The following PTPRN2 variants were observed in gnomAD, a reference collection of about 807,000 sequenced individuals.
PTPRN2 encodes receptor-type tyrosine-protein phosphatase N2.
Under a neutral mutation model 118.8 loss-of-function variants are expected in PTPRN2, and 74 were observed. The ratio of observed to expected loss-of-function variants is 0.62; its 90% CI spans 0.52 to 0.76. PTPRN2 has a LOEUF of 0.76. Ranked by LOEUF, PTPRN2 falls within the 30% of genes least tolerant of loss-of-function variation. PTPRN2 has a pLI of 0.00. For missense variants in PTPRN2, 1,481 were observed against 1,394.4 expected (o/e 1.06, Z -0.99); for synonymous variants, 641 against 608.0 (o/e 1.05, Z -0.80).
chr7:158,317,765 G>C (rs188422662), intron 2 of PTPRN2, among the ~76,000 whole-genome samples: 17 of 152,292 alleles, frequency 1.1e-4, no homozygotes, highest in African/African-American at 4.1e-4. Context: ...AGGTTTCGCC[G>C]TGCAGCTTGG....
Position 158,337,323 on chromosome 7 carries a change from CCA to C in PTPRN2, c.164-20393_164-20392del, listed in dbSNP as rs1434146227. On this transcript the variant is annotated intron_variant, in intron 2 of 22. Transcript: ENST00000389418. ...TGTCACGCACAGACATCATTCACACCCACACTGTCACCCTAAGAGGTGACACC... is the reference window on the plus strand; with the variant it reads ...TGTCACGCACAGACATCATTCACACCCACTGTCACCCTAAGAGGTGACACC... Among the ~76,000 whole-genome samples, 27 of 149,762 alleles carry C rather than the reference CCA, an allele frequency of 1.8e-4. 1 individual carries two copies. The highest frequency in any genetic ancestry group is 4.7e-4 in the African/African-American group (19 of 40,208).
At chr7:157,639,470 TGAA>T (rs1368881016) in intron 14 of PTPRN2, among the ~76,000 whole-genome samples, 1 of 152,220 alleles carries the variant, frequency 6.6e-6, no homozygotes, top group Non-Finnish European at 1.5e-5. Context: ...TCCAGTGATA[TGAA>T]GAAGGAGATA....
chr7:158,484,001 A>C (rs927650498), intron 2 of PTPRN2, among the ~76,000 whole-genome samples: 2 of 152,130 alleles, frequency 1.3e-5, no homozygotes, highest in African/African-American at 4.8e-5. Context: ...TTAAATAGCC[A>C]GGCATGATGG....
chr7:157,807,920 G>A (rs1266256025), intron 12 of PTPRN2, among the ~76,000 whole-genome samples: 3 of 152,222 alleles, frequency 2.0e-5, no homozygotes, highest in Non-Finnish European at 2.9e-5. Flanking sequence ...GAGAACTGCT[G>A]CTATGATTCC....
intron 2 of PTPRN2, among the ~76,000 whole-genome samples, chr7:158,423,369 G>A (rs1248460353): frequency 1.3e-5 from 2 of 152,174 alleles, no homozygotes; most frequent in East Asian, 3.9e-4. Context: ...CCTTTCCGGG[G>A]AGCACCCATG....
At chr7:158,582,940 G>A (rs749553058) in intron 1 of PTPRN2, among the ~76,000 whole-genome samples, 14 of 151,968 alleles carry the variant, frequency 9.2e-5, no homozygotes, top group Non-Finnish European at 1.6e-4. Context: ...TTTTCATGAG[G>A]AATTTGAAAT....
chr7:158,329,042 C>T (rs1212748447), intron 2 of PTPRN2, among the ~76,000 whole-genome samples: 1 of 151,752 alleles, frequency 6.6e-6, no homozygotes, highest in Non-Finnish European at 1.5e-5. Context: ...GTGGGGCCTC[C>T]ATTCCTCCCG....
At chr7:157,595,497 TGTTTAGGAAGCCCGGA>T (rs1801254366) in intron 16 of PTPRN2, among the ~76,000 whole-genome samples, 182 bp from the exon 17 acceptor site, 1 of 95,476 alleles carries the variant, frequency 1.0e-5, no homozygotes, top group African/African-American at 5.6e-5. Context: ...GGAAGCCTGG[TGTTTAGGAAGCCCGGA>T]GGTTAGGAAG....
chr7:157,624,325 G>C (rs780004057), intron 14 of PTPRN2, among the ~76,000 whole-genome samples: 4 of 152,054 alleles, frequency 2.6e-5, no homozygotes, highest in Non-Finnish European at 5.9e-5. Flanking sequence ...GGAGACTGAG[G>C]CAGGAGAATC....
intron 12 of PTPRN2, among the ~76,000 whole-genome samples, chr7:157,818,534 A>T (rs1224922574): frequency 6.8e-6 from 1 of 146,166 alleles, no homozygotes; most frequent in Non-Finnish European, 1.5e-5. Context: ...GCGTGGCCTG[A>T]GCCAAGGAGT....
intron 11 of PTPRN2, among the ~76,000 whole-genome samples, chr7:158,043,841 C>T (rs78650542): frequency 0.014 from 2,163 of 152,292 alleles, 64 homozygotes; most frequent in African/African-American, 0.049. Context: ...AGGGGAGAAG[C>T]GCACAGACCA....
chr7:158,238,103 G>A (rs1034711922), intron 3 of PTPRN2, among the ~76,000 whole-genome samples: 2 of 152,206 alleles, frequency 1.3e-5, no homozygotes, highest in East Asian at 1.9e-4. Flanking sequence ...CGTCCGCCCC[G>A]TCCTGCCTCT....
chr7:157,835,512 G>C (rs548167300), intron 12 of PTPRN2, among the ~76,000 whole-genome samples: 9 of 152,154 alleles, frequency 5.9e-5, no homozygotes, highest in Non-Finnish European at 1.2e-4. Flanking sequence ...TATTAGAGAC[G>C]TACGGCACAG....
At chr7:158,344,060 C>T (rs1807297065) in intron 2 of PTPRN2, among the ~76,000 whole-genome samples, 1 of 152,176 alleles carries the variant, frequency 6.6e-6, no homozygotes, top group African/African-American at 2.4e-5. Context: ...CACCCAGACC[C>T]CCATACGAGA....
At chr7:157,758,253 G>A (rs1478894037) in intron 12 of PTPRN2, among the ~76,000 whole-genome samples, 2 of 152,238 alleles carry the variant, frequency 1.3e-5, no homozygotes, top group East Asian at 1.9e-4. Context: ...GATGACGAGC[G>A]TGGTGTTGCC....
At chr7:158,270,834 G>GACCCCCTCCACCTGGACC (rs1798348553) in intron 3 of PTPRN2, among the ~76,000 whole-genome samples, 2 of 7,652 alleles carry the variant, frequency 2.6e-4, no homozygotes, top group African/African-American at 1.1e-3. Flanking sequence ...CCACCTGGAT[G>GACCCCCTCCACCTGGACC]ACCCCCTCAC....
At chr7:158,270,990 GCCTCCCCATCCACCTGGA>G (rs1798440132) in intron 3 of PTPRN2, among the ~76,000 whole-genome samples, 1 of 58,926 alleles carries the variant, frequency 1.7e-5, no homozygotes, top group Non-Finnish European at 3.3e-5. Flanking sequence ...CTCCACCTGG[GCCTCCCCATCCACCTGGA>G]CCACCCCTCC....
At chr7:157,956,250 T>C (rs1280913138) in intron 11 of PTPRN2, among the ~76,000 whole-genome samples, 7 of 152,110 alleles carry the variant, frequency 4.6e-5, no homozygotes. Context: ...CCCTGACGTG[T>C]TGGAGACAGC....
In PTPRN2 at chr7:157,615,260, G is replaced by T. The variant is rs868327917; in HGVS notation, c.2344+6102C>A. ...TGGGGGAGGAAGTCATGCTAAGCCA[G>T]CCACACTTCTGCTCCAGAGAGGGCC... On this transcript the variant is annotated intron_variant, in intron 15 of 22. Coordinates refer to ENST00000389418, the MANE Select transcript of PTPRN2 (RefSeq NM_002847.5). This position sits in a 1 kb window ranked among gnomAD's most constrained non-coding sequence, Gnocchi z 4.3. The T allele has an allele frequency of 1.3e-4, 44 of 350,524 alleles. No individual in the cohort carries two copies. Among genetic ancestry groups the T allele is most frequent in the Middle Eastern group, 1.0e-3 (1 of 980 alleles). The allele number at this position is 350,524 out of a possible 1,614,324, so 21.7% of individuals were successfully genotyped here. A position where few individuals can be genotyped will look rare whatever the true frequency, so the allele number is the denominator to read the frequency against.
Sources: allele counts gnomAD v4.1 joint callset (sites outside exome capture counted in the v4.1 genomes callset), GRCh38; gene constraint gnomAD v4.1.1; non-coding constraint Gnocchi (gnomAD v3.1); transcripts MANE v1.5; gene names NCBI Gene and HGNC (gene_info 2026-07-23, HGNC 2026-07-21).